The following ATXN7 variants were observed in gnomAD, a reference collection of about 807,000 sequenced individuals.
ATXN7 encodes the protein ataxin-7.
In ATXN7, 12 loss-of-function variants were observed where a neutral mutation model predicts 70.5. The observed-to-expected ratio is 0.17, with a 90% confidence interval of 0.11 to 0.28. The LOEUF is 0.28. Ranked by LOEUF, ATXN7 falls within the 10% of genes least tolerant of loss-of-function variation. The pLI is 1.00. For missense variants in ATXN7, 1,256 were observed against 1,131.7 expected (o/e 1.11, Z -1.58); for synonymous variants, 498 against 448.7 (o/e 1.11, Z -1.39).
intron 1 of ATXN7, among the ~76,000 whole-genome samples, chr3:63,877,713 G>A (rs751142160): frequency 1.3e-5 from 2 of 152,182 alleles, no homozygotes; most frequent in Non-Finnish European, 2.9e-5. Context: ...TATCAACCCC[G>A]TGGAAAAATT....
intron 1 of ATXN7, among the ~76,000 whole-genome samples, chr3:63,892,398 A>G (rs1703297418): frequency 6.7e-6 from 1 of 150,192 alleles, no homozygotes; most frequent in Admixed American, 6.6e-5. Flanking sequence ...ACACACACAC[A>G]CACACACACA....
intron 5 of ATXN7, among the ~76,000 whole-genome samples, chr3:63,977,311 A>G (rs902673399): frequency 1.3e-5 from 2 of 152,224 alleles, no homozygotes; most frequent in African/African-American, 4.8e-5. Flanking sequence ...AACTGAGGGT[A>G]TTTAATTCGA....
intron 5 of ATXN7, among the ~76,000 whole-genome samples, chr3:63,960,316 C>G (rs1253090227): frequency 1.3e-5 from 2 of 152,146 alleles, no homozygotes; most frequent in African/African-American, 4.8e-5. Flanking sequence ...GAAAGTGGGT[C>G]CAGGACCAGA....
intron 4 of ATXN7, among the ~76,000 whole-genome samples, chr3:63,950,295 G>A (rs1244314990): frequency 2.0e-5 from 3 of 152,092 alleles, no homozygotes; most frequent in Non-Finnish European, 4.4e-5. Context: ...GGGGTAGAGG[G>A]TTAGTCCACA....
intron 4 of ATXN7, among the ~76,000 whole-genome samples, chr3:63,936,589 A>G (rs1053541987): frequency 3.3e-5 from 5 of 152,150 alleles, no homozygotes; most frequent in African/African-American, 9.7e-5. Flanking sequence ...ATCCCTTCAG[A>G]CTGAGTCCCA....
At chr3:63,969,206 A>G (rs1320164478) in intron 5 of ATXN7, among the ~76,000 whole-genome samples, 1 of 152,176 alleles carries the variant, frequency 6.6e-6, no homozygotes, top group African/African-American at 2.4e-5. Context: ...TAATGAAGGA[A>G]TCTGTAAGGC....
At position 63,996,478 on chromosome 3, in the gene ATXN7, C is replaced by T. The variant is rs778773560; in HGVS notation, c.2656C>T (p.His886Tyr). 2.0e-5 allele frequency: 32 copies of T among 1,613,900 alleles called. No homozygotes were observed. Among genetic ancestry groups the T allele is most frequent in the Non-Finnish European group, 2.4e-5 (28 of 1,179,906 alleles). ...AQGLMNSSLL[H>Y]QPKARP ...AGGACTGATGAACAGTTCCCTCCTT[C>T]ATCAGGTAGGAAATGGACTGTGAGC... is the stretch of plus-strand genomic sequence containing the variant. Residue 886 changes from histidine to tyrosine, a missense_variant, in exon 12 of 13, where the codon CAT becomes TAT. By Grantham distance (83) the His-to-Tyr change is moderately conservative (BLOSUM62 2). Transcript: ENST00000674280.
At chr3:63,872,419 A>C (rs1702625074) in intron 1 of ATXN7, among the ~76,000 whole-genome samples, 1 of 152,190 alleles carries the variant, frequency 6.6e-6, no homozygotes, top group African/African-American at 2.4e-5. Flanking sequence ...AGTCAGAACT[A>C]GTTAGTCAAG....
chr3:63,996,431 C>A lies in ATXN7; in HGVS notation c.2609C>A (p.Thr870Lys), dbSNP rs1337283910. Reference protein sequence around the residue: ...PAVNNVHMKHTGTIPGAQGLM... With the variant: ...PAVNNVHMKHKGTIPGAQGLM... ...GTGAACAATGTCCACATGAAACACA[C>A]AGGCACCATCCCAGGGGCACAAGGA... The change falls in exon 12 of 13, where the codon ACA (threonine) becomes AAA (lysine). Residue 870 changes from threonine to lysine, a missense_variant. Coordinates refer to ENST00000674280, the MANE Select transcript of ATXN7 (RefSeq NM_001377405.1). 1 of 1,614,172 alleles carries A rather than the reference C, an allele frequency of 6.2e-7. No homozygotes were observed. The highest frequency in any genetic ancestry group is 8.5e-7 in the Non-Finnish European group (1 of 1,180,030).
At chr3:63,924,558 G>A (rs757258670) in intron 4 of ATXN7, among the ~76,000 whole-genome samples, 3 of 152,192 alleles carry the variant, frequency 2.0e-5, no homozygotes, top group Non-Finnish European at 4.4e-5. Flanking sequence ...GAAACCAGAT[G>A]AGTGTGATGG....
Position 63,912,674 on chromosome 3 carries a change from G to A in ATXN7, c.76G>A (p.Ala26Thr). 1.9e-6 allele frequency: 2 copies of A among 1,049,760 alleles called. No homozygotes were observed. The highest frequency in any genetic ancestry group is 5.5e-5 in the Admixed American group (1 of 18,298). 65.0% of individuals were successfully genotyped at this position (1,049,760 alleles called of 1,614,324 possible). A position where few individuals can be genotyped will look rare whatever the true frequency, so the allele number is the denominator to read the frequency against. The stretch of plus-strand genomic sequence containing the variant: ...GGCGGCGGCGGGCGGAGCAGCGGCC[G>A]CGGCCGCCCGGCAGCAGCAGCAGCA... The part of the protein sequence containing the change: ...AAAAAGGAAA[A>T]AARQQQQQQQ... The change falls in exon 3 of 13, where the codon GCG becomes ACG. Residue 26 changes from alanine to threonine, a missense_variant. Coordinates refer to ENST00000674280, the MANE Select transcript of ATXN7 (RefSeq NM_001377405.1).
chr3:63,879,111 A>G (rs1206710077), intron 1 of ATXN7, among the ~76,000 whole-genome samples: 1 of 152,024 alleles, frequency 6.6e-6, no homozygotes, highest in Admixed American at 6.6e-5. Flanking sequence ...ATTTTATCTC[A>G]TCATCCTCAT....
At chr3:63,901,210 TTAAC>T (rs1168086559) in intron 2 of ATXN7, 2 of 152,234 alleles carry the variant, frequency 1.3e-5, no homozygotes, top group Non-Finnish European at 1.5e-5. Flanking sequence ...ATGGCTTAAA[TTAAC>T]TAATTTAATA....
At chr3:63,885,712 G>A (rs1423337703) in intron 1 of ATXN7, among the ~76,000 whole-genome samples, 1 of 152,148 alleles carries the variant, frequency 6.6e-6, no homozygotes, top group African/African-American at 2.4e-5. Context: ...ATGGATGAAT[G>A]GATACAGAAA....
chr3:63,905,978 C>T (rs1228020148), intron 2 of ATXN7: 1 of 152,124 alleles, frequency 6.6e-6, no homozygotes, highest in East Asian at 1.9e-4. Flanking sequence ...GTTTATGAAC[C>T]AGTACACCTA....
chr3:63,926,978 C>T (rs1704744898), intron 4 of ATXN7, among the ~76,000 whole-genome samples: 1 of 152,178 alleles, frequency 6.6e-6, no homozygotes, highest in Non-Finnish European at 1.5e-5. Context: ...ATCCATGTCC[C>T]TGCAAAGGAC....
intron 4 of ATXN7, among the ~76,000 whole-genome samples, chr3:63,944,181 T>C (rs1416532665): frequency 6.6e-6 from 1 of 152,238 alleles, no homozygotes; most frequent in Non-Finnish European, 1.5e-5. Flanking sequence ...CGGGGGATAC[T>C]TTCCAAGATC....
chr3:63,913,170 C>T lies in ATXN7; in HGVS notation c.339C>T (p.Asp113=). The T allele has an allele frequency of 6.2e-7, 1 of 1,613,718 alleles. No individual in the cohort carries two copies. Among genetic ancestry groups the T allele is most frequent in the Non-Finnish European group, 8.5e-7 (1 of 1,179,878 alleles). ...TATATCTCCTAGGGACAGAATTGGACGAAAGTTTCAAGGAGTTTGGGAAAA... is the reference window on the plus strand; with the variant it reads ...TATATCTCCTAGGGACAGAATTGGATGAAAGTTTCAAGGAGTTTGGGAAAA... ...KLPGKDGTEL[D]ESFKEFGKNR... is the part of the protein sequence containing the mutation. The change falls in exon 4 of 13, where the codon GAC becomes GAT. Residue 113 remains aspartate (D), a synonymous_variant. Coordinates refer to ENST00000674280, the MANE Select transcript of ATXN7 (RefSeq NM_001377405.1).
chr3:63,942,734 A>G (rs2074792331), intron 4 of ATXN7, among the ~76,000 whole-genome samples: 1 of 152,254 alleles, frequency 6.6e-6, no homozygotes, highest in Non-Finnish European at 1.5e-5. Flanking sequence ...AAATGATTGT[A>G]ATAGTATTAC....
Sources: gnomAD v4.1 joint callset for allele counts (sites outside exome capture counted in the v4.1 genomes callset) on GRCh38, gnomAD v4.1.1 for gene constraint, MANE v1.5 for transcripts, NCBI Gene and HGNC (gene_info 2026-07-23, HGNC 2026-07-21) for gene names.